The following IQCM variants were observed in gnomAD, a reference collection of about 807,000 sequenced individuals.
The protein encoded by IQCM is IQ motif containing M.
A neutral mutation model predicts 57.6 loss-of-function variants in IQCM; 45 were observed. The observed-to-expected ratio is 0.78, with a 90% CI of 0.62 to 1.00. IQCM has a LOEUF of 1.00. Among genes scored for constraint, IQCM ranks in the 50% least tolerant of loss-of-function variants. The probability of loss-of-function intolerance (pLI) is 0.00; values close to 1 mark genes in which losing one functional copy is unlikely to be tolerated. For synonymous variants in IQCM, 148 were observed against 158.9 expected (o/e 0.93, Z 0.51); for missense variants, 468 against 511.6 (o/e 0.91, Z 0.82).
chr4:149,711,870 A>G (rs1480716104), intron 5 of IQCM, among the ~76,000 whole-genome samples: 1 of 152,180 alleles, frequency 6.6e-6, no homozygotes. Flanking sequence ...AGCATGTTAT[A>G]TGTCTTTGTG....
chr4:149,712,336 C>T (rs1764629468), intron 5 of IQCM, among the ~76,000 whole-genome samples: 1 of 150,526 alleles, frequency 6.6e-6, no homozygotes, highest in Non-Finnish European at 1.5e-5. Context: ...TACTGTCATA[C>T]TGTCAATGTT....
intron 13 of IQCM, among the ~76,000 whole-genome samples, chr4:149,412,360 A>C (rs371868711): frequency 7.4e-4 from 112 of 152,192 alleles, no homozygotes; most frequent in African/African-American, 2.5e-3. Context: ...CCATTAAAAA[A>C]CCAACTGTAG....
At chr4:149,417,820 CTTTTTT>C (rs370591152) in intron 13 of IQCM, among the ~76,000 whole-genome samples, 7 of 134,806 alleles carry the variant, frequency 5.2e-5, no homozygotes, top group African/African-American at 1.9e-4. Context: ...TCCCTTTTTC[CTTTTTT>C]TTTTTTTTTG....
chr4:149,764,080 G>T (rs1312881657), intron 2 of IQCM, among the ~76,000 whole-genome samples: 1 of 152,100 alleles, frequency 6.6e-6, no homozygotes, highest in Non-Finnish European at 1.5e-5. Flanking sequence ...CAGTGAGGAT[G>T]CTCTTATACC....
At chr4:149,735,166 T>A (rs1394331917) in intron 4 of IQCM, among the ~76,000 whole-genome samples, 1 of 152,222 alleles carries the variant, frequency 6.6e-6, no homozygotes, top group East Asian at 1.9e-4. Context: ...CACATTTGTA[T>A]AATTAAAATT....
At chr4:149,439,297 A>G (rs1735673539) in intron 12 of IQCM, among the ~76,000 whole-genome samples, 1 of 152,000 alleles carries the variant, frequency 6.6e-6, no homozygotes, top group Non-Finnish European at 1.5e-5. Flanking sequence ...TTTTAACTTT[A>G]TTTTCATTCT....
At chr4:149,464,799 C>T (rs898809892) in intron 12 of IQCM, among the ~76,000 whole-genome samples, 4 of 151,882 alleles carry the variant, frequency 2.6e-5, no homozygotes, top group East Asian at 1.9e-4. Flanking sequence ...CTCTCAGGTA[C>T]GTAAAATATG....
At chr4:149,806,298 C>T (rs569361582) in intron 2 of IQCM, among the ~76,000 whole-genome samples, 1 of 151,848 alleles carries the variant, frequency 6.6e-6, no homozygotes, top group South Asian at 2.1e-4. Flanking sequence ...TATCGGTCAC[C>T]TCAAAGATTT....
chr4:149,798,153 C>T (rs1490185712), intron 2 of IQCM, among the ~76,000 whole-genome samples: 1 of 151,682 alleles, frequency 6.6e-6, no homozygotes, highest in Non-Finnish European at 1.5e-5. Flanking sequence ...ATAGATAGCA[C>T]AATAAGATAC....
chr4:149,467,749 A>G (rs1020665180), intron 12 of IQCM, among the ~76,000 whole-genome samples: 1 of 152,198 alleles, frequency 6.6e-6, no homozygotes, highest in Non-Finnish European at 1.5e-5. Flanking sequence ...TTAGTAGAGC[A>G]ATGCAGCTAA....
intron 13 of IQCM, among the ~76,000 whole-genome samples, chr4:149,430,477 T>A (rs994787493): frequency 6.6e-6 from 1 of 151,960 alleles, no homozygotes; most frequent in Non-Finnish European, 1.5e-5. Context: ...CACTCTCAAA[T>A]TTTTTAACCC....
intron 4 of IQCM, among the ~76,000 whole-genome samples, chr4:149,733,733 C>T (rs1316704830): frequency 1.3e-5 from 2 of 152,070 alleles, no homozygotes; most frequent in Admixed American, 6.6e-5. Flanking sequence ...CCTTCACAAG[C>T]ATAAGGATTA....
At chr4:149,443,656 A>G (rs999094467) in intron 12 of IQCM, among the ~76,000 whole-genome samples, 23 of 149,820 alleles carry the variant, frequency 1.5e-4, no homozygotes, top group Admixed American at 8.1e-4. Context: ...CAAGAAGCCA[A>G]TGGTAAAGAA....
intron 13 of IQCM, among the ~76,000 whole-genome samples, chr4:149,373,482 G>A (rs1261712158): frequency 4.6e-5 from 7 of 152,040 alleles, no homozygotes; most frequent in African/African-American, 1.2e-4. Context: ...ATGAGAAAAC[G>A]AAGGTTCACA....
intron 12 of IQCM, among the ~76,000 whole-genome samples, chr4:149,502,067 A>T (rs1308058587): frequency 6.6e-6 from 1 of 152,022 alleles, no homozygotes; most frequent in Non-Finnish European, 1.5e-5. Flanking sequence ...GACAGTGAGA[A>T]TACATCAAAC....
intron 13 of IQCM, among the ~76,000 whole-genome samples, chr4:149,384,470 A>T (rs1338704271): frequency 2.6e-5 from 4 of 152,134 alleles, no homozygotes; most frequent in African/African-American, 9.7e-5. Context: ...GTCACTGGAG[A>T]GTAGTTGGCA....
chr4:149,366,490 T>A (rs925764193), intron 13 of IQCM, among the ~76,000 whole-genome samples: 3 of 151,920 alleles, frequency 2.0e-5, no homozygotes, highest in African/African-American at 7.2e-5. Context: ...TATCCTTCAA[T>A]AGGAGGTTCA....
At chr4:149,563,494 G>A (rs528251979) in intron 10 of IQCM, among the ~76,000 whole-genome samples, 198 bp downstream of exon 10, 597 of 152,096 alleles carry the variant, frequency 3.9e-3, no homozygotes, top group Non-Finnish European at 5.8e-3. Flanking sequence ...GCTGAGGCAG[G>A]AGAATCGCTT....
At chr4:149,634,958 G>A (rs1486915626) in intron 7 of IQCM, among the ~76,000 whole-genome samples, 1 of 152,124 alleles carries the variant, frequency 6.6e-6, no homozygotes, top group African/African-American at 2.4e-5. Context: ...ATAATTGTTG[G>A]AACTGGATGA....
Sources: gnomAD v4.1 joint callset for allele counts (sites outside exome capture counted in the v4.1 genomes callset) on GRCh38, gnomAD v4.1.1 for gene constraint, MANE v1.5 for transcripts, NCBI Gene and HGNC (gene_info 2026-07-23, HGNC 2026-07-21) for gene names.